The following COPG1 variants were observed in gnomAD, a reference collection of about 807,000 sequenced individuals.
COPG1 encodes the protein coatomer subunit gamma-1.
A neutral mutation model predicts 102.8 loss-of-function variants in COPG1; 29 were observed. The observed-to-expected ratio is 0.28, with a 90% CI of 0.21 to 0.38. The LOEUF (loss-of-function observed/expected upper bound fraction) is 0.38. COPG1 is among the 10% of genes least tolerant of loss of function. The probability of loss-of-function intolerance (pLI) is 1.00; values close to 1 mark genes in which losing one functional copy is unlikely to be tolerated. For synonymous variants in COPG1, 406 were observed against 421.6 expected (o/e 0.96, Z 0.45); for missense variants, 875 against 1,132.7 (o/e 0.77, Z 3.27).
At chr3:129,255,988 G>GACACAGCTC in intron 7 of COPG1, 80 bp from the exon 8 acceptor site, 1 of 1,262,976 alleles carries the variant, frequency 7.9e-7, no homozygotes, top group Non-Finnish European at 1.1e-6. Context: ...AGCTGTGTCT[G>GACACAGCTC]AGGGAAGACC....
chr3:129,255,009 C>G lies in COPG1; in HGVS notation c.424C>G (p.Arg142Gly). Residue 142 changes from arginine to glycine, a missense_variant, in exon 7 of 24, where the codon CGC (arginine) becomes GGC (glycine). Coordinates refer to ENST00000314797, the MANE Select transcript of COPG1 (RefSeq NM_016128.4). ...GAGCACCATGCTGCAGGCTATTGAG[C>G]GCTACATGAAACAAGCCATTGTGGA... ...TDSTMLQAIE[R>G]YMKQAIVDKV... 2 of 1,614,096 alleles carry G rather than the reference C, an allele frequency of 1.2e-6. No individual in the cohort carries two copies. The highest frequency in any genetic ancestry group is 1.7e-6 in the Non-Finnish European group (2 of 1,179,974).
At chr3:129,276,995 C>T (rs1227274629) in intron 23 of COPG1, among the ~76,000 whole-genome samples, 4 of 151,622 alleles carry the variant, frequency 2.6e-5, no homozygotes, top group Non-Finnish European at 5.9e-5. Context: ...AGCTAATTTT[C>T]GTATTTTTAG....
At position 129,265,568 on chromosome 3, in the gene COPG1, G is replaced by T; in HGVS notation, c.1244G>T (p.Arg415Leu). ...CTGCAGGGTGGCTTTGAGTATAAGC[G>T]CGCTATCGTGGACTGCATCATCAGC... is the stretch of plus-strand genomic sequence containing the variant. ...LREEGGFEYK[R>L]AIVDCIISII... Residue 415 changes from arginine to leucine, a missense_variant, in exon 14 of 24, where the codon CGC (arginine) becomes CTC (leucine). Physicochemically the swap from Arg to Leu is moderately radical, Grantham distance 102. Transcript: ENST00000314797. 6.2e-7 allele frequency: 1 copy of T among 1,614,160 alleles called. No individual in the cohort carries two copies. The highest frequency in any genetic ancestry group is 8.5e-7 in the Non-Finnish European group (1 of 1,180,024).
chr3:129,275,019 AG>A lies in COPG1; in HGVS notation c.2395+44del. 6.2e-7 allele frequency: 1 copy of A among 1,607,796 alleles called. No homozygotes were observed. Among genetic ancestry groups the A allele is most frequent in the Non-Finnish European group, 8.5e-7 (1 of 1,174,908 alleles). The stretch of plus-strand genomic sequence containing the variant: ...CCATCTCTGGCCTAATTACTGTTCA[AG>A]ATCTTTGGCTACTATTGAAGTGCTC... On this transcript the variant is annotated intron_variant, in intron 22 of 23. Transcript: ENST00000314797. The surrounding 1 kb of genome is among the most constrained non-coding windows in gnomAD (Gnocchi z 5.0).
rs951368251 is a variant in COPG1, at chr3:129,260,103, G to A, written c.872-230G>A. Reference sequence around the variant, plus strand: ...GCACAGCACCTGGCACACAGCAGATGCCCAGTGAATAACAGCCCTCACTGG... The same window carrying A: ...GCACAGCACCTGGCACACAGCAGATACCCAGTGAATAACAGCCCTCACTGG... On this transcript the variant is annotated intron_variant, in intron 10 of 23. Transcript: ENST00000314797. 2.1e-5 allele frequency: 12 copies of A among 573,330 alleles called. No homozygotes were observed. The South Asian group carries it at 2.3e-4, about 11-fold the overall frequency. 35.5% of individuals were successfully genotyped at this position (573,330 alleles called of 1,614,324 possible). A position where few individuals can be genotyped will look rare whatever the true frequency, so the allele number is the denominator to read the frequency against.
At position 129,257,520 on chromosome 3, in the gene COPG1, C is replaced by T. The variant is rs201721296; in HGVS notation, c.630C>T (p.Ala210=). The T allele has an allele frequency of 5.5e-5, 88 of 1,614,064 alleles. No homozygotes were observed. The East Asian group carries it at 1.5e-3, about 28-fold the overall frequency. ...LYHVRKNDRL[A]VNKMISKVTR... is the part of the protein sequence containing the mutation. ...ATGTGCGTAAGAATGACCGCCTAGC[C>T]GTCAATAAGATGATCAGCAAGGTCA... Residue 210 remains alanine (A), a synonymous_variant, in exon 9 of 24, where the codon GCC becomes GCT. Coordinates refer to ENST00000314797, the MANE Select transcript of COPG1 (RefSeq NM_016128.4).
At chr3:129,269,083 G>A in intron 18 of COPG1, 83 bp downstream of exon 18, 1 of 1,232,446 alleles carries the variant, frequency 8.1e-7, no homozygotes, top group Non-Finnish European at 1.2e-6. Context: ...TCATATATTG[G>A]TCTCTCCTGA....
chr3:129,253,824 A>G (rs1939746195), intron 5 of COPG1, among the ~76,000 whole-genome samples: 1 of 151,968 alleles, frequency 6.6e-6, no homozygotes, highest in Non-Finnish European at 1.5e-5. Flanking sequence ...ACATGGTGAA[A>G]CCCCGTTTCT....
At chr3:129,268,756 G>T in intron 17 of COPG1, 136 bp downstream of exon 17, 1 of 1,211,900 alleles carries the variant, frequency 8.3e-7, no homozygotes, top group East Asian at 2.4e-5. Flanking sequence ...TTCCACCTCT[G>T]GCTCCAGAAA....
rs1939907210 is a variant in COPG1 at position 129,260,607 on chromosome 3, C to G, written c.940-12C>G. On this transcript the variant is annotated splice_polypyrimidine_tract_variant and intron_variant, in intron 11 of 23. Coordinates refer to ENST00000314797, the MANE Select transcript of COPG1 (RefSeq NM_016128.4). ...GGTTCCTGCCCTCTCTGTCACTGTC[C>G]TCCCAAAACAGGTTGCCATGAAGCA... The G allele has an allele frequency of 6.2e-7, 1 of 1,612,970 alleles. No individual in the cohort carries two copies. Among genetic ancestry groups the G allele is most frequent in the Middle Eastern group, 1.6e-4 (1 of 6,078 alleles).
Position 129,268,633 on chromosome 3 carries a change from C to G in COPG1, c.1774+13C>G. 1 of 1,613,374 alleles carries G rather than the reference C, an allele frequency of 6.2e-7. No individual in the cohort carries two copies. Among genetic ancestry groups the G allele is most frequent in the African/African-American group, 1.3e-5 (1 of 75,056 alleles). On this transcript the variant is annotated intron_variant, in intron 17 of 23. Transcript: ENST00000314797. ...GAGCAGAGAACAGGTAACACTTATA[C>G]TCCTCCCAGAGGCCATCAAGGCCAG...
chr3:129,266,973 A>T, intron 14 of COPG1, 51 bp from the exon 15 acceptor site: 1 of 1,527,620 alleles, frequency 6.5e-7, no homozygotes, highest in Non-Finnish European at 9.1e-7. Context: ...GTGCCCAAAC[A>T]GTGAGTTGTC....
At chr3:129,272,544 A>G (rs1940203543) in intron 20 of COPG1, 129 bp downstream of exon 20, 1 of 789,644 alleles carries the variant, frequency 1.3e-6, no homozygotes, top group Non-Finnish European at 2.0e-6. Context: ...CCCAAGAAGA[A>G]GAATAGCTGA....
At chr3:129,251,959 A>G (rs1939708756) in intron 2 of COPG1, among the ~76,000 whole-genome samples, 1 of 152,234 alleles carries the variant, frequency 6.6e-6, no homozygotes, top group Non-Finnish European at 1.5e-5. Context: ...TGCTAGGATT[A>G]CAGGTGTGAG....
chr3:129,253,787 G>A, intron 5 of COPG1, among the ~76,000 whole-genome samples: 1 of 151,996 alleles, frequency 6.6e-6, no homozygotes, highest in East Asian at 1.9e-4. Flanking sequence ...ATCACTTGAG[G>A]TCAGGAGTTT....
rs758986800 is a variant in COPG1 at position 129,274,894 on chromosome 3, C to G, written c.2313C>G (p.Asn771Lys). Residue 771 changes from asparagine (N) to lysine (K), a missense_variant, in exon 22 of 24, where the codon AAC becomes AAG. By Grantham distance (94) the Asn-to-Lys change is moderately conservative. Transcript: ENST00000314797. The stretch of plus-strand genomic sequence containing the variant: ...ACATTCAAAAGGTCATGAAACTGAA[C>G]TTCGAAGCAGCCTGGGATGAGGTAG... ...ADHIQKVMKLNFEAAWDEVGD... is the reference protein window; with the variant it reads ...ADHIQKVMKLKFEAAWDEVGD... The G allele has an allele frequency of 1.2e-6, 2 of 1,614,158 alleles. No individual in the cohort carries two copies. The highest frequency in any genetic ancestry group is 2.2e-5 in the East Asian group (1 of 44,888).
Position 129,254,704 on chromosome 3 carries a change from C to T in COPG1, c.360C>T (p.Tyr120=), listed in dbSNP as rs1335198570. 24 of 1,614,172 alleles carry T rather than the reference C, an allele frequency of 1.5e-5. No homozygotes were observed. The highest frequency in any genetic ancestry group is 1.9e-5 in the Non-Finnish European group (22 of 1,180,006). Residue 120 remains tyrosine (Y), a synonymous_variant, in exon 6 of 24, where the codon TAC becomes TAT. Coordinates refer to ENST00000314797, the MANE Select transcript of COPG1 (RefSeq NM_016128.4). Reference sequence around the variant, plus strand: ...ACATGACTGGGAAAGAAGACAACTACCGGGGCCCGGCCGTGCGAGCCCTCT... The same window carrying T: ...ACATGACTGGGAAAGAAGACAACTATCGGGGCCCGGCCGTGCGAGCCCTCT... The part of the protein sequence containing the change: ...TKDMTGKEDN[Y]RGPAVRALCQ...
chr3:129,257,410 C>G, intron 8 of COPG1, 60 bp from the exon 9 acceptor site: 1 of 1,587,852 alleles, frequency 6.3e-7, no homozygotes. Flanking sequence ...CCCAGGGCCA[C>G]ACAGCCAGTA....
intron 17 of COPG1, 109 bp from the exon 18 acceptor site, chr3:129,268,823 T>G: frequency 8.4e-7 from 1 of 1,184,340 alleles, no homozygotes; most frequent in Non-Finnish European, 1.3e-6. Context: ...TGCTTCCCAC[T>G]CTCAGGAGGG....
Sources: gnomAD v4.1 joint callset for allele counts (sites outside exome capture counted in the v4.1 genomes callset) on GRCh38, gnomAD v4.1.1 for gene constraint, Gnocchi (gnomAD v3.1) non-coding constraint, MANE v1.5 for transcripts, NCBI Gene and HGNC (gene_info 2026-07-23, HGNC 2026-07-21) for gene names.